The following CHODL variants were observed in gnomAD, a reference collection of about 807,000 sequenced individuals.
The protein encoded by CHODL is transmembrane protein MT75.
CHODL carries 29 observed loss-of-function variants against 34.5 expected under a neutral mutation model. That is an observed-to-expected ratio of 0.84 (90% CI 0.63 to 1.15). The LOEUF is 1.15. CHODL is among the 50% of genes most tolerant of loss of function. CHODL has a pLI of 0.00. For missense variants in CHODL, 332 were observed against 332.5 expected (o/e 1.00, Z 0.01); for synonymous variants, 125 against 116.1 (o/e 1.08, Z -0.49).
intron 1 of CHODL, among the ~76,000 whole-genome samples, chr21:17,933,111 G>A (rs1250157871): frequency 6.6e-6 from 1 of 152,156 alleles, no homozygotes; most frequent in Non-Finnish European, 1.5e-5. Context: ...GCCCTAAGGT[G>A]GTTTTCCCCT....
At chr21:18,177,438 G>A (rs1341192022) in intron 2 of CHODL, among the ~76,000 whole-genome samples, 1 of 151,958 alleles carries the variant, frequency 6.6e-6, no homozygotes, top group East Asian at 1.9e-4. Flanking sequence ...ATATTTTTCT[G>A]TGTATGTAGC....
chr21:18,246,116 T>C lies in CHODL; in HGVS notation c.79+814T>C. On this transcript the variant is annotated intron_variant, in intron 1 of 5. Transcript: ENST00000299295. ...ATATTGCAATTACTCTCCCTTACTT[T>C]TTGGGACGGTCTCTTCAAAAGGATA... 3 of 663,380 alleles carry C rather than the reference T, an allele frequency of 4.5e-6. No homozygotes were observed. In the Admixed American group the frequency reaches 6.7e-5, roughly 15 times the overall value. The allele number at this position is 663,380 out of a possible 1,614,324, so 41.1% of individuals were successfully genotyped here.
chr21:18,249,928 C>T (rs2074215075), intron 1 of CHODL, among the ~76,000 whole-genome samples: 2 of 152,138 alleles, frequency 1.3e-5, no homozygotes, highest in African/African-American at 4.8e-5. Flanking sequence ...GTGCCTGTAG[C>T]TCAAGCTACC....
Position 18,214,398 on chromosome 21 carries a change from T to TTATCCA in CHODL, c.-44-42111_-44-42110insTATCCA, listed in dbSNP as rs1230653305. On this transcript the variant is annotated intron_variant, in intron 2 of 6. Coordinates refer to the CHODL transcript ENST00000400127. The stretch of plus-strand genomic sequence containing the variant: ...ACTGCATGCTTAGAATGGATAAGAC[T>TTATCCA]AGTGTTTTAATTATCTTTCAATCGC... Among the ~76,000 whole-genome samples the TTATCCA allele has an allele frequency of 2.0e-5, 3 of 152,140 alleles. No individual in the cohort carries two copies. In the East Asian group the frequency reaches 5.8e-4, roughly 29 times the overall value.
intron 2 of CHODL, among the ~76,000 whole-genome samples, chr21:18,063,613 A>C (rs1331433096): frequency 6.6e-6 from 1 of 152,218 alleles, no homozygotes; most frequent in Non-Finnish European, 1.5e-5. Flanking sequence ...AAATAAATTA[A>C]AATTTTATGA....
intron 2 of CHODL, among the ~76,000 whole-genome samples, chr21:18,098,753 T>C (rs938035895): frequency 1.3e-5 from 2 of 152,058 alleles, no homozygotes; most frequent in African/African-American, 4.8e-5. Context: ...CAAATCAGTA[T>C]ATCAAAGAGA....
At chr21:18,143,570 G>A (rs1001919143) in intron 2 of CHODL, among the ~76,000 whole-genome samples, 24 of 152,080 alleles carry the variant, frequency 1.6e-4, no homozygotes, top group African/African-American at 5.8e-4. Context: ...AATATTAACT[G>A]TGTTACTTTC....
intron 2 of CHODL, among the ~76,000 whole-genome samples, chr21:18,028,389 A>G (rs1450276616): frequency 1.4e-5 from 2 of 147,952 alleles, no homozygotes; most frequent in Non-Finnish European, 1.5e-5. Context: ...GGTAAGTTTC[A>G]TAAGATCAAG....
intron 2 of CHODL, among the ~76,000 whole-genome samples, chr21:18,132,143 C>A (rs1254837638): frequency 6.6e-6 from 1 of 151,838 alleles, no homozygotes; most frequent in Admixed American, 6.6e-5. Context: ...AGGTTTGTTA[C>A]ATATATATAC....
At chr21:18,226,198 C>G (rs949707578) in intron 2 of CHODL, among the ~76,000 whole-genome samples, 1 of 152,146 alleles carries the variant, frequency 6.6e-6, no homozygotes, top group Non-Finnish European at 1.5e-5. Context: ...TTTTCCTTCA[C>G]ACTTGGGAGG....
At chr21:17,932,248 TAGTG>T in intron 1 of CHODL, among the ~76,000 whole-genome samples, 1 of 152,166 alleles carries the variant, frequency 6.6e-6, no homozygotes, top group African/African-American at 2.4e-5. Flanking sequence ...ACTAAAACCA[TAGTG>T]AGATACCATC....
intron 3 of CHODL, among the ~76,000 whole-genome samples, chr21:18,259,164 A>G (rs1029269438): frequency 2.0e-5 from 3 of 152,222 alleles, no homozygotes; most frequent in African/African-American, 7.2e-5. Context: ...CCTGAAGACT[A>G]TATAAGAACA....
intron 2 of CHODL, among the ~76,000 whole-genome samples, chr21:18,052,019 C>T (rs1037613280): frequency 2.0e-5 from 3 of 151,820 alleles, no homozygotes; most frequent in Admixed American, 2.0e-4. Context: ...GGAAAAAAAT[C>T]AGATTAGCTG....
At chr21:18,241,041 T>C (rs1482809084), upstream of CHODL, among the ~76,000 whole-genome samples, 1 of 152,186 alleles carries the variant, frequency 6.6e-6, no homozygotes, top group Admixed American at 6.5e-5. Flanking sequence ...AACTGGCTCC[T>C]GAATGAGGTA....
chr21:17,980,102 T>C (rs1480862307), intron 1 of CHODL, among the ~76,000 whole-genome samples: 1 of 152,012 alleles, frequency 6.6e-6, no homozygotes, highest in Non-Finnish European at 1.5e-5. Context: ...TTTTTTTTTT[T>C]TTTTTGGTCT....
At chr21:18,033,892 G>A (rs533281900) in intron 2 of CHODL, among the ~76,000 whole-genome samples, 1 of 152,116 alleles carries the variant, frequency 6.6e-6, no homozygotes, top group African/African-American at 2.4e-5. Flanking sequence ...GGCTGATATA[G>A]TCTGTACTAT....
chr21:18,156,526 G>A (rs1379681730), intron 2 of CHODL, among the ~76,000 whole-genome samples: 5 of 152,130 alleles, frequency 3.3e-5, no homozygotes, highest in African/African-American at 9.7e-5. Context: ...TCATATAACT[G>A]TCAATGCAAA....
intron 1 of CHODL, among the ~76,000 whole-genome samples, chr21:17,985,117 T>G (rs1022794145): frequency 1.3e-5 from 2 of 152,174 alleles, no homozygotes; most frequent in Non-Finnish European, 2.9e-5. Flanking sequence ...TGCATTAAGT[T>G]TATAGATTAT....
At position 18,192,532 on chromosome 21, in the gene CHODL, T is replaced by C. The variant is rs1365133607; in HGVS notation, c.-44-63977T>C. Among the ~76,000 whole-genome samples the C allele has an allele frequency of 3.3e-5, 5 of 152,220 alleles. No homozygotes were observed. The East Asian group carries it at 9.6e-4, about 29-fold the overall frequency. ...TAAAACACAATACTTGTTACGGTTA[T>C]ATAGCTTAATTCAAAAAGTCACAAC... On this transcript the variant is annotated intron_variant, in intron 2 of 6. Transcript: ENST00000400127.
Sources: gnomAD v4.1 joint callset for allele counts (sites outside exome capture counted in the v4.1 genomes callset) on GRCh38, gnomAD v4.1.1 for gene constraint, MANE v1.5 for transcripts, NCBI Gene and HGNC (gene_info 2026-07-23, HGNC 2026-07-21) for gene names.